COL6A3: variants seen among roughly 807,000 people sequenced by gnomAD.
The protein encoded by COL6A3 is collagen type VI alpha 3 chain, also known as collagen alpha-3(VI) chain.
A neutral mutation model predicts 274.1 loss-of-function variants in COL6A3; 137 were observed. That is an observed-to-expected ratio of 0.50 (90% CI 0.44 to 0.58). The LOEUF (loss-of-function observed/expected upper bound fraction) is 0.58, where lower values mean the gene tolerates loss of function less well. Ranked by LOEUF, COL6A3 falls within the 20% of genes least tolerant of loss-of-function variation. The pLI is 0.00. For synonymous variants in COL6A3, 1,650 were observed against 1,650.6 expected, an observed-to-expected ratio of 1.00 and a Z score of 0.01; for missense variants, 3,950 against 4,124.9, an observed-to-expected ratio of 0.96 and a Z score of 1.16.
At chr2:237,341,267 C>G in intron 37 of COL6A3, 117 bp from the exon 38 acceptor site, 15 of 1,076,480 alleles carry the variant, frequency 1.4e-5, no homozygotes, top group Non-Finnish European at 8.4e-6. Flanking sequence ...AAAAGCGGGC[C>G]GGAAGCGGTG....
chr2:237,356,745 T>C (rs74805426), intron 23 of COL6A3: 2,950 of 163,504 alleles, frequency 0.018, 94 homozygotes, highest in African/African-American at 0.066. Context: ...CCCGAGGACC[T>C]TGGAAGCTTT....
At position 237,387,872 on chromosome 2, in the gene COL6A3, C is replaced by A. The variant is rs140510298; in HGVS notation, c.1022G>T (p.Arg341Leu). 1.2e-6 allele frequency: 2 copies of A among 1,614,108 alleles called. No homozygotes were observed. Among genetic ancestry groups the A allele is most frequent in the East Asian group, 2.2e-5 (1 of 44,874 alleles). ...ENHFTRAGGS[R>L]VEEGVPQVLV... ...CACCTGGGGAACCCCTTCCTCCACGCGGCTGCCCCCTGCCCGGGTGAAGTG... is the reference window on the plus strand; with the variant it reads ...CACCTGGGGAACCCCTTCCTCCACGAGGCTGCCCCCTGCCCGGGTGAAGTG... Residue 341 changes from arginine to leucine, a missense_variant, in exon 4 of 44, where the codon CGC (arginine) becomes CTC (leucine). This residue lies in a region of COL6A3 where 1,934 missense variants were observed against 1,984.3 expected (regional missense o/e 0.97). Transcript: ENST00000295550.
chr2:237,394,010 C>T (rs750707797), intron 3 of COL6A3, among the ~76,000 whole-genome samples: 54 of 152,214 alleles, frequency 3.5e-4, no homozygotes, highest in Non-Finnish European at 5.3e-4. Context: ...CCTCCAGCTC[C>T]GGCTGTCACT....
chr2:237,404,281 G>A (rs1214866942), intron 1 of COL6A3, among the ~76,000 whole-genome samples: 1 of 152,096 alleles, frequency 6.6e-6, no homozygotes, highest in Non-Finnish European at 1.5e-5. Context: ...ATGGATGAGG[G>A]TTTTTCTGGA....
chr2:237,372,325 T>C lies in COL6A3; in HGVS notation c.3692A>G (p.Lys1231Arg). 1.2e-6 allele frequency: 2 copies of C among 1,606,650 alleles called. No individual in the cohort carries two copies. The highest frequency in any genetic ancestry group is 1.1e-5 in the South Asian group (1 of 91,078). Residue 1231 changes from lysine (K) to arginine (R), a missense_variant, in exon 9 of 44, where the codon AAG (lysine) becomes AGG (arginine). By Grantham distance (26) the Lys-to-Arg change is conservative (BLOSUM62 2). This residue lies in a region of COL6A3 where 1,934 missense variants were observed against 1,984.3 expected (regional missense o/e 0.97). Coordinates refer to ENST00000295550, the MANE Select transcript of COL6A3 (RefSeq NM_004369.4). ...ATCGATGAGAAAGACCACGTCCCTC[T>C]TGCCACCAACACCTGCGAAACAAAT... ...QPLPSPGVGG[K>R]RDVVFLIDGS...
chr2:237,373,711 C>A (rs182374524), intron 8 of COL6A3, among the ~76,000 whole-genome samples: 9 of 151,330 alleles, frequency 5.9e-5, no homozygotes, highest in East Asian at 1.9e-4. Flanking sequence ...GAACCCCCCC[C>A]ACCCGAGTGA....
chr2:237,354,809 G>C, intron 24 of COL6A3, 90 bp downstream of exon 24: 2 of 1,124,968 alleles, frequency 1.8e-6, no homozygotes, highest in East Asian at 5.0e-5. Flanking sequence ...GAAGCTTTGG[G>C]TTCACAGGAG....
At chr2:237,405,195 G>A (rs1435090046) in intron 1 of COL6A3, among the ~76,000 whole-genome samples, 1 of 152,126 alleles carries the variant, frequency 6.6e-6, no homozygotes, top group African/African-American at 2.4e-5. Context: ...GAATTCCCAG[G>A]TGGGAAAAAC....
chr2:237,333,286 G>A (rs1039102203), intron 42 of COL6A3, 164 bp downstream of exon 42: 153 of 698,794 alleles, frequency 2.2e-4, no homozygotes, highest in Admixed American at 8.1e-4. Flanking sequence ...TTACACCTGG[G>A]ATTATGCAGA....
At chr2:237,360,662 T>G (rs1342828079) in intron 16 of COL6A3, among the ~76,000 whole-genome samples, 1 of 152,154 alleles carries the variant, frequency 6.6e-6, no homozygotes, top group Non-Finnish European at 1.5e-5. Flanking sequence ...CCATGGACCC[T>G]GCTACTGGGG....
chr2:237,346,172 G>T (rs983481737), intron 32 of COL6A3, among the ~76,000 whole-genome samples: 7 of 152,152 alleles, frequency 4.6e-5, no homozygotes, highest in African/African-American at 1.7e-4. Flanking sequence ...GCTTCTACAA[G>T]ATGCAAGCAA....
intron 28 of COL6A3, among the ~76,000 whole-genome samples, chr2:237,348,960 A>G (rs959578389): frequency 1.3e-5 from 2 of 152,092 alleles, no homozygotes; most frequent in Non-Finnish European, 2.9e-5. Flanking sequence ...AGAATCAAAG[A>G]CTCGTCAACC....
chr2:237,352,812 A>G (rs1036335235), intron 25 of COL6A3, among the ~76,000 whole-genome samples: 1 of 152,220 alleles, frequency 6.6e-6, no homozygotes, highest in African/African-American at 2.4e-5. Context: ...CATTCAGACA[A>G]AAACGTGTAG....
chr2:237,348,457 GAAAGA>G, intron 29 of COL6A3, 73 bp from the exon 30 acceptor site: 1 of 1,408,640 alleles, frequency 7.1e-7, no homozygotes, highest in Non-Finnish European at 1.0e-6. Context: ...GACCTTGAAA[GAAAGA>G]AATGTCTGCT....
intron 11 of COL6A3, 36 bp downstream of exon 11, chr2:237,366,651 G>T: frequency 6.2e-7 from 1 of 1,614,156 alleles, no homozygotes; most frequent in South Asian, 1.1e-5. Context: ...AATGTCAACA[G>T]GAAAGGATGG....
intron 36 of COL6A3, chr2:237,343,963 C>T: frequency 2.8e-6 from 1 of 354,234 alleles, no homozygotes; most frequent in Non-Finnish European, 5.5e-6. Context: ...CAGTAAGACA[C>T]AGCTCAGAGT....
Position 237,360,143 on chromosome 2 carries a change from G to C in COL6A3, c.6227C>G (p.Pro2076Arg). 1.1e-5 allele frequency: 17 copies of C among 1,614,142 alleles called. No homozygotes were observed. Among genetic ancestry groups the C allele is most frequent in the Non-Finnish European group, 1.4e-5 (17 of 1,180,032 alleles). The change falls in exon 17 of 44, where the codon CCT becomes CGT. Residue 2076 changes from proline to arginine, a missense_variant. This residue lies in a region of COL6A3 where 92 missense variants were observed against 143.4 expected (regional missense o/e 0.64). Coordinates refer to ENST00000295550, the MANE Select transcript of COL6A3 (RefSeq NM_004369.4). ...DEGGPGERGP[P>R]GVNGTQGFQG... ...GAAACCTTGAGTGCCGTTCACACCA[G>C]GCGGACCACGCTCACCCTGTTGTGA...
intron 38 of COL6A3, 40 bp from the exon 39 acceptor site, chr2:237,339,157 T>G: frequency 4.5e-6 from 6 of 1,347,128 alleles, no homozygotes; most frequent in Non-Finnish European, 6.4e-6. Flanking sequence ...AACCGCATGC[T>G]AATAACATGA....
chr2:237,377,965 C>T (rs1043681998), intron 6 of COL6A3, among the ~76,000 whole-genome samples: 1 of 152,210 alleles, frequency 6.6e-6, no homozygotes, highest in African/African-American at 2.4e-5. Flanking sequence ...CCTATGGCAC[C>T]GCAATGTGTA....
Sources: gnomAD v4.1 joint callset for allele counts (sites outside exome capture counted in the v4.1 genomes callset) on GRCh38, gnomAD v4.1.1 for gene constraint, gnomAD v4.1.1 regional missense constraint, MANE v1.5 for transcripts, NCBI Gene and HGNC (gene_info 2026-07-23, HGNC 2026-07-21) for gene names.